The following MGST2 variants were observed in gnomAD, a reference collection of about 807,000 sequenced individuals.
MGST2 encodes glutathione peroxidase MGST2.
A neutral mutation model predicts 16.6 loss-of-function variants in MGST2; 9 were observed. The ratio of observed to expected loss-of-function variants is 0.54; its 90% CI spans 0.33 to 0.95. MGST2 has a LOEUF of 0.95. MGST2 is among the 40% of genes least tolerant of loss of function. The pLI is 0.03. For synonymous variants in MGST2, 79 were observed against 68.0 expected (o/e 1.16, Z -0.79); for missense variants, 159 against 175.1 (o/e 0.91, Z 0.52).
chr4:139,665,910 T>TC lies in MGST2; in HGVS notation c.-104dup. 3.7e-6 allele frequency: 4 copies of TC among 1,091,022 alleles called. No individual in the cohort carries two copies. Among genetic ancestry groups the TC allele is most frequent in the Non-Finnish European group, 5.6e-6 (4 of 719,494 alleles). The allele number at this position is 1,091,022 out of a possible 1,614,324, so 67.6% of individuals were successfully genotyped here. On this transcript the variant is annotated 5_prime_UTR_variant, in exon 1 of 5. Transcript: ENST00000265498. Reference sequence around the variant, plus strand: ...CATTCAGCCGCTTGAATCAGCCTTTTCCCCCCACCCGGTCCCCAACTTTGT... The same window carrying TC: ...CATTCAGCCGCTTGAATCAGCCTTTTCCCCCCCACCCGGTCCCCAACTTTGT...
chr4:139,724,091 C>T (rs1728369045), intron 5 of MGST2, among the ~76,000 whole-genome samples: 1 of 152,234 alleles, frequency 6.6e-6, no homozygotes, highest in South Asian at 2.1e-4. Flanking sequence ...AAACCACTGG[C>T]ACTGATTTAG....
chr4:139,751,005 C>T, the MGST2 span, among the ~76,000 whole-genome samples: 1 of 152,230 alleles, frequency 6.6e-6, no homozygotes, highest in Non-Finnish European at 1.5e-5. Context: ...GATTCAATCA[C>T]TCTTTTCCTG....
At chr4:139,726,300 A>G (rs369418182) in intron 5 of MGST2, among the ~76,000 whole-genome samples, 48 of 152,366 alleles carry the variant, frequency 3.2e-4, no homozygotes, top group African/African-American at 1.1e-3. Flanking sequence ...ATAGTATTCC[A>G]TCATATGAAT....
chr4:139,678,462 CTAAT>C (rs1731073001), intron 1 of MGST2, 77 bp from the exon 2 acceptor site: 4 of 988,758 alleles, frequency 4.0e-6, no homozygotes, highest in African/African-American at 1.6e-5. Context: ...GTAGTACTAT[CTAAT>C]TGTGATTTAA....
chr4:139,709,191 T>C (rs1217571796), downstream of MGST2, among the ~76,000 whole-genome samples: 1 of 147,010 alleles, frequency 6.8e-6, no homozygotes, highest in African/African-American at 2.5e-5. Flanking sequence ...CACACCATTC[T>C]CCTGCCTCAG....
chr4:139,704,728 C>T (rs1727451359), downstream of MGST2, among the ~76,000 whole-genome samples: 1 of 152,200 alleles, frequency 6.6e-6, no homozygotes, highest in African/African-American at 2.4e-5. Flanking sequence ...CGAGACCATC[C>T]TGGCTAACAC....
At position 139,695,152 on chromosome 4, in the gene MGST2, A is replaced by C. The variant is rs537864677; in HGVS notation, c.159-45A>C. The C allele has an allele frequency of 2.9e-6, 4 of 1,374,438 alleles. No homozygotes were observed. In the South Asian group the frequency reaches 4.6e-5, roughly 16 times the overall value. The allele number at this position is 1,374,438 out of a possible 1,614,324, so 85.1% of individuals were successfully genotyped here. A position where few individuals can be genotyped will look rare whatever the true frequency, so the allele number is the denominator to read the frequency against. ...AGATGAAAAATCAATGCTTCAGTGTATACTTTTCTCATAAAATAACCTATG... is the reference window on the plus strand; with the variant it reads ...AGATGAAAAATCAATGCTTCAGTGTCTACTTTTCTCATAAAATAACCTATG... On this transcript the variant is annotated intron_variant, in intron 2 of 4. Coordinates refer to ENST00000265498, the MANE Select transcript of MGST2 (RefSeq NM_002413.5).
At chr4:139,708,880 T>TA (rs2110921173), downstream of MGST2, among the ~76,000 whole-genome samples, 2 of 151,432 alleles carry the variant, frequency 1.3e-5, no homozygotes, top group South Asian at 4.2e-4. Context: ...CACACACCTG[T>TA]AATCTCAGCT....
chr4:139,685,566 G>A (rs1421921696), intron 2 of MGST2: 2 of 152,100 alleles, frequency 1.3e-5, no homozygotes, highest in African/African-American at 4.8e-5. Flanking sequence ...ATGTTTAACA[G>A]GAAGTCATCA....
rs997716924 is a variant in MGST2, at chr4:139,715,231, A to G, written c.*48+11035A>G. 3.3e-5 allele frequency among the ~76,000 whole-genome samples: 5 copies of G among 152,092 alleles called. No individual in the cohort carries two copies. Among genetic ancestry groups the G allele is most frequent in the Admixed American group, 6.5e-5 (1 of 15,280 alleles). On this transcript the variant is annotated intron_variant, in intron 5 of 5. Transcript: ENST00000616265. This position sits in a 1 kb window ranked among gnomAD's most constrained non-coding sequence, Gnocchi z 4.4. ...ATCCCATTCTTTACCCAGGTACCCCACCACTTACCCAAAGTCTTCCAATCA... is the reference window on the plus strand; with the variant it reads ...ATCCCATTCTTTACCCAGGTACCCCGCCACTTACCCAAAGTCTTCCAATCA...
Position 139,735,579 on chromosome 4 carries a change from G to C in MGST2, c.*49-4633G>C, listed in dbSNP as rs1728905259. ...GCCCGGGGAGGGGGCGATAAGGAGCGAGCCTCGGGTCGGCCCGGCACCGCT... is the reference window on the plus strand; with the variant it reads ...GCCCGGGGAGGGGGCGATAAGGAGCCAGCCTCGGGTCGGCCCGGCACCGCT... On this transcript the variant is annotated intron_variant, in intron 5 of 5. Coordinates refer to the MGST2 transcript ENST00000616265. This position sits in a 1 kb window ranked among gnomAD's most constrained non-coding sequence, Gnocchi z 5.8. Among the ~76,000 whole-genome samples the C allele has an allele frequency of 6.6e-6, 1 of 152,120 alleles. No homozygotes were observed. The highest frequency in any genetic ancestry group is 2.4e-5 in the African/African-American group (1 of 41,438).
chr4:139,677,313 T>C (rs531083987), intron 1 of MGST2, among the ~76,000 whole-genome samples: 1 of 152,328 alleles, frequency 6.6e-6, no homozygotes, highest in Admixed American at 6.5e-5. Context: ...CTTGCTTTTA[T>C]ACATTTCAGA....
At chr4:139,678,694 C>A in intron 2 of MGST2, 52 bp downstream of exon 2, 1 of 1,350,932 alleles carries the variant, frequency 7.4e-7, no homozygotes, top group Non-Finnish European at 1.1e-6. Flanking sequence ...CATACAGACA[C>A]AATTCCTGAC....
At chr4:139,731,435 TAAAAAAAA>T (rs70943437) in intron 5 of MGST2, 17 of 38,744 alleles carry the variant, frequency 4.4e-4, no homozygotes, top group Non-Finnish European at 4.5e-4. Flanking sequence ...CTGTCTCTAC[TAAAAAAAA>T]AAAAAAAAAA....
intron 2 of MGST2, among the ~76,000 whole-genome samples, chr4:139,694,739 G>T (rs1003578023): frequency 3.3e-5 from 5 of 152,052 alleles, no homozygotes; most frequent in African/African-American, 9.7e-5. Context: ...CCATAAAATG[G>T]GAATGAAATA....
At chr4:139,737,056 C>T (rs1728973724) in intron 5 of MGST2, among the ~76,000 whole-genome samples, 1 of 152,128 alleles carries the variant, frequency 6.6e-6, no homozygotes, top group African/African-American at 2.4e-5. Context: ...TGCAACTGTG[C>T]TGTGGAGGCT....
intron 5 of MGST2, among the ~76,000 whole-genome samples, chr4:139,727,354 A>G (rs11100232): frequency 0.11 from 16,991 of 152,224 alleles, 1,137 homozygotes; most frequent in African/African-American, 0.18. Flanking sequence ...ACTGAGAGTA[A>G]GCTGAGCATT....
chr4:139,680,258 T>C, intron 2 of MGST2, among the ~76,000 whole-genome samples: 1 of 152,222 alleles, frequency 6.6e-6, no homozygotes. Context: ...GAAAATAATG[T>C]TGAAAGCAGG....
At chr4:139,741,081 G>A (rs928607689), downstream of MGST2, among the ~76,000 whole-genome samples, 6 of 152,128 alleles carry the variant, frequency 3.9e-5, no homozygotes, top group African/African-American at 9.7e-5. Context: ...CCCCACCCTC[G>A]GCCCCCATTC....
Sources: gnomAD v4.1 joint callset for allele counts (sites outside exome capture counted in the v4.1 genomes callset) on GRCh38, gnomAD v4.1.1 for gene constraint, Gnocchi (gnomAD v3.1) non-coding constraint, MANE v1.5 for transcripts, NCBI Gene and HGNC (gene_info 2026-07-23, HGNC 2026-07-21) for gene names.